CNTN5: variants seen among roughly 807,000 people sequenced by gnomAD.
CNTN5 encodes the protein contactin-5.
CNTN5 carries 77 observed loss-of-function variants against 129.1 expected under a neutral mutation model. The ratio of observed to expected loss-of-function variants is 0.60; its 90% CI spans 0.50 to 0.72. The LOEUF (loss-of-function observed/expected upper bound fraction) is 0.72. CNTN5 is among the 30% of genes least tolerant of loss of function. The pLI is 0.00. For synonymous variants in CNTN5, 509 were observed against 465.6 expected (o/e 1.09, Z -1.20); for missense variants, 1,478 against 1,328.8 (o/e 1.11, Z -1.75).
chr11:99,046,671 C>T (rs917321066), intron 1 of CNTN5, among the ~76,000 whole-genome samples: 1 of 151,804 alleles, frequency 6.6e-6, no homozygotes, highest in Non-Finnish European at 1.5e-5. Context: ...TTAGTTTTTT[C>T]ATCAATTCAA....
At chr11:99,518,093 A>G (rs2135430170) in intron 2 of CNTN5, among the ~76,000 whole-genome samples, 1 of 152,208 alleles carries the variant, frequency 6.6e-6, no homozygotes, top group South Asian at 2.1e-4. Flanking sequence ...TTTTATAATT[A>G]ATATTACTCA....
chr11:99,181,921 T>C (rs995378605), intron 1 of CNTN5, among the ~76,000 whole-genome samples: 1 of 152,204 alleles, frequency 6.6e-6, no homozygotes, highest in Non-Finnish European at 1.5e-5. Flanking sequence ...TGAGGTTATA[T>C]AGCAAAAGAA....
intron 3 of CNTN5, among the ~76,000 whole-genome samples, chr11:99,687,596 G>T (rs941884247): frequency 2.0e-5 from 3 of 152,072 alleles, no homozygotes; most frequent in African/African-American, 7.2e-5. Flanking sequence ...CATTCTAATT[G>T]CTCAAGTTAC....
At chr11:100,109,754 T>C (rs2138108190) in intron 13 of CNTN5, among the ~76,000 whole-genome samples, 1 of 152,270 alleles carries the variant, frequency 6.6e-6, no homozygotes, top group South Asian at 2.1e-4. Flanking sequence ...AACCTAACAA[T>C]GTAGGATGTG....
At chr11:100,223,323 C>A (rs1204663643) in intron 15 of CNTN5, among the ~76,000 whole-genome samples, 1 of 151,952 alleles carries the variant, frequency 6.6e-6, no homozygotes, top group Non-Finnish European at 1.5e-5. Flanking sequence ...AAGCAAAACA[C>A]AACAGAAATT....
chr11:99,513,231 A>G (rs766650928), intron 2 of CNTN5, among the ~76,000 whole-genome samples: 1 of 152,204 alleles, frequency 6.6e-6, no homozygotes, highest in Non-Finnish European at 1.5e-5. Context: ...GAAGGCTGAC[A>G]GAGTTGAGGA....
At chr11:99,096,012 A>G (rs568658236) in intron 1 of CNTN5, among the ~76,000 whole-genome samples, 11 of 152,072 alleles carry the variant, frequency 7.2e-5, no homozygotes, top group African/African-American at 2.4e-4. Flanking sequence ...CAGCATCAAT[A>G]TTTAAATTGT....
chr11:100,201,140 G>A (rs1591386480), intron 15 of CNTN5, among the ~76,000 whole-genome samples: 2 of 151,908 alleles, frequency 1.3e-5, no homozygotes, highest in East Asian at 3.9e-4. Context: ...TTTCAGTGAT[G>A]TTTATTAAAC....
intron 10 of CNTN5, among the ~76,000 whole-genome samples, chr11:100,067,516 C>G (rs1374931826): frequency 6.6e-6 from 1 of 151,034 alleles, no homozygotes; most frequent in East Asian, 1.9e-4. Flanking sequence ...AGAGATAAAG[C>G]TACAGAAGTA....
chr11:99,930,825 G>A lies in CNTN5; in HGVS notation c.673+14676G>A, dbSNP rs181528033. Among the ~76,000 whole-genome samples, 320 of 69,040 alleles carry A rather than the reference G, an allele frequency of 4.6e-3. 1 individual carries two copies. The highest frequency in any genetic ancestry group is 8.2e-3 in the Middle Eastern group (1 of 122). The allele number at this position is 69,040 out of a possible 152,430, so 45.3% of individuals were successfully genotyped here. ...CACACACACACACACACACATTTTA[G>A]TATTTTTACCAAGTAAAATAATGCA... On this transcript the variant is annotated intron_variant, in intron 7 of 24. Coordinates refer to ENST00000524871, the MANE Select transcript of CNTN5 (RefSeq NM_014361.4).
chr11:100,027,054 T>A (rs1941457837), intron 9 of CNTN5, among the ~76,000 whole-genome samples: 1 of 152,134 alleles, frequency 6.6e-6, no homozygotes, highest in African/African-American at 2.4e-5. Context: ...GTACTTAACA[T>A]GTTAAGTATT....
intron 6 of CNTN5, among the ~76,000 whole-genome samples, chr11:99,877,151 T>C (rs978865902): frequency 6.6e-6 from 1 of 152,020 alleles, no homozygotes; most frequent in Non-Finnish European, 1.5e-5. Flanking sequence ...CTTTGGAAAT[T>C]AACTTTAAAA....
chr11:99,808,503 A>G (rs1239175065), intron 3 of CNTN5, among the ~76,000 whole-genome samples: 2 of 152,176 alleles, frequency 1.3e-5, no homozygotes. Flanking sequence ...TGTTAGTTGC[A>G]CAGTTTCCCA....
intron 1 of CNTN5, among the ~76,000 whole-genome samples, chr11:99,226,713 C>T (rs1252052516): frequency 6.6e-6 from 1 of 152,166 alleles, no homozygotes; most frequent in East Asian, 1.9e-4. Context: ...TCCTAATAGG[C>T]AAAGATCACC....
chr11:99,593,945 C>CCTCTTAATATATGCCTTT (rs1950052029), intron 3 of CNTN5, among the ~76,000 whole-genome samples: 2 of 152,132 alleles, frequency 1.3e-5, no homozygotes, highest in African/African-American at 4.8e-5. Context: ...AGGTCAACAG[C>CCTCTTAATATATGCCTTT]GTGAAGTGTG....
intron 2 of CNTN5, among the ~76,000 whole-genome samples, chr11:99,433,669 A>C (rs1943489766): frequency 6.6e-6 from 1 of 152,164 alleles, no homozygotes; most frequent in Admixed American, 6.6e-5. Context: ...GTGATTCAAT[A>C]ATATTCAAGA....
At position 99,671,269 on chromosome 11, in the gene CNTN5, C is replaced by T. The variant is rs1953032467; in HGVS notation, c.55+115000C>T. Among the ~76,000 whole-genome samples, 5 of 152,030 alleles carry T rather than the reference C, an allele frequency of 3.3e-5. No homozygotes were observed. In the Middle Eastern group the frequency reaches 0.01, roughly 312 times the overall value. On this transcript the variant is annotated intron_variant, in intron 3 of 24. Coordinates refer to ENST00000524871, the MANE Select transcript of CNTN5 (RefSeq NM_014361.4). ...ACACAGAGATTGCGTTTATCTTGGT[C>T]GTTATGATATTGCCACTGCCCAGTA...
chr11:99,382,654 T>G (rs1002823842), intron 2 of CNTN5, among the ~76,000 whole-genome samples: 1 of 151,980 alleles, frequency 6.6e-6, no homozygotes. Flanking sequence ...TGACTTGAAC[T>G]CCTGAGACTT....
chr11:100,002,713 G>A (rs1001702254), intron 9 of CNTN5, among the ~76,000 whole-genome samples: 14 of 152,064 alleles, frequency 9.2e-5, no homozygotes, highest in Non-Finnish European at 1.3e-4. Context: ...TTATATTTCT[G>A]AGGGTTTACA....
Sources: allele counts gnomAD v4.1 joint callset (sites outside exome capture counted in the v4.1 genomes callset), GRCh38; gene constraint gnomAD v4.1.1; transcripts MANE v1.5; gene names NCBI Gene and HGNC (gene_info 2026-07-23, HGNC 2026-07-21).